Variants in PDGFD observed in about 807,000 individuals in gnomAD.
PDGFD encodes platelet-derived growth factor D.
Under a neutral mutation model 44.7 loss-of-function variants are expected in PDGFD, and 30 were observed. The ratio of observed to expected loss-of-function variants is 0.67; its 90% CI spans 0.50 to 0.91. The LOEUF is 0.91. Ranked by LOEUF, PDGFD falls within the 40% of genes least tolerant of loss-of-function variation. The pLI is 0.00. For synonymous variants in PDGFD, 173 were observed against 168.4 expected, an observed-to-expected ratio of 1.03 and a Z score of -0.21; for missense variants, 445 against 457.8, an observed-to-expected ratio of 0.97 and a Z score of 0.25.
chr11:104,128,297 T>C (rs181682519), intron 1 of PDGFD, among the ~76,000 whole-genome samples: 10 of 152,274 alleles, frequency 6.6e-5, no homozygotes, highest in African/African-American at 2.2e-4. Context: ...TAAAAGCTGG[T>C]GTGCATAAAA....
intron 1 of PDGFD, among the ~76,000 whole-genome samples, chr11:104,056,405 T>A (rs1447409199): frequency 2.0e-5 from 3 of 152,128 alleles, no homozygotes; most frequent in African/African-American, 7.2e-5. Flanking sequence ...GCAAATGTAA[T>A]TAAATTTTAA....
chr11:104,013,329 AG>A (rs1377621090), intron 1 of PDGFD, among the ~76,000 whole-genome samples: 8 of 152,158 alleles, frequency 5.3e-5, no homozygotes, highest in African/African-American at 1.9e-4. Context: ...CCAAGAGGGC[AG>A]GGTATAAAAG....
chr11:103,948,630 G>T (rs770514448), intron 3 of PDGFD, among the ~76,000 whole-genome samples: 2 of 152,156 alleles, frequency 1.3e-5, no homozygotes, highest in Non-Finnish European at 2.9e-5. Flanking sequence ...AGGAGTGGGA[G>T]GTGTTTTGAG....
At chr11:104,001,926 T>G (rs1403603680) in intron 1 of PDGFD, among the ~76,000 whole-genome samples, 1 of 152,176 alleles carries the variant, frequency 6.6e-6, no homozygotes, top group Non-Finnish European at 1.5e-5. Flanking sequence ...ATTTTGCATA[T>G]GGGAATTTAA....
At chr11:104,076,837 A>G (rs1860967634) in intron 1 of PDGFD, among the ~76,000 whole-genome samples, 1 of 152,102 alleles carries the variant, frequency 6.6e-6, no homozygotes, top group Non-Finnish European at 1.5e-5. Flanking sequence ...AGCATATTCA[A>G]CGTGAGGATG....
intron 1 of PDGFD, among the ~76,000 whole-genome samples, chr11:104,088,928 A>G (rs914766149): frequency 6.6e-6 from 1 of 151,482 alleles, no homozygotes; most frequent in African/African-American, 2.4e-5. Context: ...GGATGGGGGA[A>G]AAAAAAAACT....
intron 6 of PDGFD, among the ~76,000 whole-genome samples, chr11:103,914,197 C>A (rs1329798440): frequency 6.6e-6 from 1 of 152,172 alleles, no homozygotes; most frequent in African/African-American, 2.4e-5. Context: ...CAGTAGATAA[C>A]CTCAAGGAGC....
intron 5 of PDGFD, among the ~76,000 whole-genome samples, chr11:103,932,757 G>T (rs1858424977): frequency 6.6e-6 from 1 of 152,178 alleles, no homozygotes; most frequent in African/African-American, 2.4e-5. Flanking sequence ...CTACCTGAAT[G>T]AATCAGATAA....
rs188684917 is a variant in PDGFD, at chr11:103,910,727, C to T, written c.988-908G>A. On this transcript the variant is annotated intron_variant, in intron 6 of 6. Coordinates refer to ENST00000393158, the MANE Select transcript of PDGFD (RefSeq NM_025208.5). ...CAGTTTATTTTTCATACCCCAGTGG[C>T]GCCTGGAATGCCAGCAAGACAGAAC... Among the ~76,000 whole-genome samples the T allele has an allele frequency of 6.8e-3, 1,033 of 152,324 alleles. 12 individuals are homozygous for T. The highest frequency in any genetic ancestry group is 0.024 in the African/African-American group (994 of 41,566).
At chr11:103,918,075 T>C (rs1014479045) in intron 6 of PDGFD, among the ~76,000 whole-genome samples, 1 of 152,166 alleles carries the variant, frequency 6.6e-6, no homozygotes, top group Non-Finnish European at 1.5e-5. Context: ...GATCTGTTTG[T>C]AGAAAAACTT....
chr11:103,945,879 T>C (rs1185637778), intron 4 of PDGFD: 3 of 152,228 alleles, frequency 2.0e-5, no homozygotes, highest in Admixed American at 6.5e-5. Flanking sequence ...GTATGAGCTT[T>C]ACTGCTGTTT....
intron 1 of PDGFD, among the ~76,000 whole-genome samples, chr11:104,069,864 GA>G (rs914502099): frequency 6.6e-6 from 1 of 151,478 alleles, no homozygotes; most frequent in Admixed American, 6.6e-5. Flanking sequence ...CGTCTCAAAA[GA>G]AAAAAAAATT....
At chr11:104,127,989 G>A (rs1308074958) in intron 1 of PDGFD, among the ~76,000 whole-genome samples, 4 of 152,000 alleles carry the variant, frequency 2.6e-5, no homozygotes, top group African/African-American at 9.7e-5. Flanking sequence ...GCCCAGCTTG[G>A]GTCATAGGAA....
intron 6 of PDGFD, among the ~76,000 whole-genome samples, chr11:103,923,491 C>G (rs1053736204): frequency 6.6e-6 from 1 of 152,178 alleles, no homozygotes; most frequent in Admixed American, 6.5e-5. Context: ...CTCATTACCC[C>G]CTTAAGGGTG....
rs181539188 is a variant in PDGFD at position 104,079,127 on chromosome 11, G to A, written c.125-78872C>T. ...TGAAAATCTGAGAAAAACATATTTG[G>A]TGAATTCAAACAAAGTAGACATGTT... On this transcript the variant is annotated intron_variant, in intron 1 of 6. Coordinates refer to ENST00000393158, the MANE Select transcript of PDGFD (RefSeq NM_025208.5). 1.1e-4 allele frequency among the ~76,000 whole-genome samples: 16 copies of A among 152,184 alleles called. No individual in the cohort carries two copies. In the East Asian group the frequency reaches 3.1e-3, roughly 29 times the overall value.
At chr11:103,959,857 G>T (rs538624051) in intron 3 of PDGFD, among the ~76,000 whole-genome samples, 19 of 152,284 alleles carry the variant, frequency 1.2e-4, no homozygotes, top group African/African-American at 4.6e-4. Context: ...CCTCCAGGCT[G>T]GGAGGATCAT....
intron 5 of PDGFD, among the ~76,000 whole-genome samples, chr11:103,933,896 G>A (rs1858445506): frequency 6.6e-6 from 1 of 152,192 alleles, no homozygotes; most frequent in Non-Finnish European, 1.5e-5. Flanking sequence ...AGCCATGAAA[G>A]CAGTAACACC....
chr11:104,019,428 A>C (rs1859916388), intron 1 of PDGFD, among the ~76,000 whole-genome samples: 1 of 152,182 alleles, frequency 6.6e-6, no homozygotes, highest in Admixed American at 6.5e-5. Flanking sequence ...TAAAAGAAAA[A>C]AACTATTCCT....
At position 103,949,148 on chromosome 11, in the gene PDGFD, G is replaced by A. The variant is rs147467411; in HGVS notation, c.511-1424C>T. On this transcript the variant is annotated intron_variant, in intron 3 of 6. Coordinates refer to ENST00000393158, the MANE Select transcript of PDGFD (RefSeq NM_025208.5). ...CTTCCTAGTAGCTGAGATTACAGGT[G>A]TGCACCACCACACCCAGCTAATTTT... is the stretch of plus-strand genomic sequence containing the variant. Among the ~76,000 whole-genome samples, 259 of 151,840 alleles carry A rather than the reference G, an allele frequency of 1.7e-3. 3 individuals are homozygous for A. In the East Asian group the frequency reaches 0.039, roughly 23 times the overall value.
Sources: gnomAD v4.1 joint callset for allele counts (sites outside exome capture counted in the v4.1 genomes callset) on GRCh38, gnomAD v4.1.1 for gene constraint, MANE v1.5 for transcripts, NCBI Gene and HGNC (gene_info 2026-07-23, HGNC 2026-07-21) for gene names.